The following XKR9 variants were observed in gnomAD, a reference collection of about 807,000 sequenced individuals.
XKR9 encodes XK-related protein 9.
A neutral mutation model predicts 32.0 loss-of-function variants in XKR9; 32 were observed. The observed-to-expected ratio is 1.00, with a 90% confidence interval of 0.76 to 1.34. The LOEUF (loss-of-function observed/expected upper bound fraction) is 1.34. Ranked by LOEUF, XKR9 falls within the 40% of genes most tolerant of loss-of-function variation. XKR9 has a pLI of 0.00. For synonymous variants in XKR9, 168 were observed against 143.4 expected (o/e 1.17, Z -1.22); for missense variants, 546 against 429.7 (o/e 1.27, Z -2.39).
At chr8:71,057,067 T>C in the XKR9 span, among the ~76,000 whole-genome samples, 1 of 152,188 alleles carries the variant, frequency 6.6e-6, no homozygotes, top group Non-Finnish European at 1.5e-5. Context: ...CATTTTATTA[T>C]TGAACCAAAA....
At chr8:70,773,968 G>A (rs577512248) in intron 2 of XKR9, among the ~76,000 whole-genome samples, 1 of 150,218 alleles carries the variant, frequency 6.7e-6, no homozygotes, top group African/African-American at 2.4e-5. Context: ...ACAGCAATCT[G>A]TTGGCATCAT....
the XKR9 span, among the ~76,000 whole-genome samples, chr8:70,951,866 T>TTG: frequency 1.1e-3 from 146 of 127,526 alleles, no homozygotes; most frequent in African/African-American, 4.6e-3. Context: ...CATAGCATCA[T>TTG]TGGGGGGGGG....
the XKR9 span, among the ~76,000 whole-genome samples, chr8:70,927,399 G>A: frequency 6.6e-6 from 1 of 152,088 alleles, no homozygotes; most frequent in Non-Finnish European, 1.5e-5. Context: ...TAGTCCATTT[G>A]TGCTGCCATA....
At chr8:70,848,107 A>T in the XKR9 span, among the ~76,000 whole-genome samples, 1 of 152,184 alleles carries the variant, frequency 6.6e-6, no homozygotes, top group East Asian at 1.9e-4. Flanking sequence ...CACATTAAAA[A>T]GATCATTCAC....
chr8:70,773,241 A>G (rs1039655004), intron 2 of XKR9, among the ~76,000 whole-genome samples: 12 of 152,170 alleles, frequency 7.9e-5, no homozygotes, highest in Admixed American at 5.9e-4. Context: ...CCCAACCAAA[A>G]CAGGATTATT....
At chr8:70,693,448 C>T (rs957504460) in intron 3 of XKR9, among the ~76,000 whole-genome samples, 2 of 152,174 alleles carry the variant, frequency 1.3e-5, no homozygotes, top group Non-Finnish European at 2.9e-5. Context: ...TGTTCCCTGT[C>T]AGTGCTCTGA....
At chr8:70,941,849 T>C in the XKR9 span, among the ~76,000 whole-genome samples, 1 of 152,140 alleles carries the variant, frequency 6.6e-6, no homozygotes, top group Non-Finnish European at 1.5e-5. Flanking sequence ...GAGCTATCTT[T>C]TATTTGAGTA....
the XKR9 span, among the ~76,000 whole-genome samples, chr8:70,806,506 A>G: frequency 0.016 from 2,422 of 152,304 alleles, 58 homozygotes; most frequent in African/African-American, 0.056. Flanking sequence ...AATGCAAAGG[A>G]GCTAAGAACC....
the XKR9 span, among the ~76,000 whole-genome samples, chr8:70,855,725 G>C: frequency 6.6e-6 from 1 of 152,258 alleles, no homozygotes; most frequent in Non-Finnish European, 1.5e-5. Context: ...GGCAGCCAGA[G>C]AGAAAGGTTG....
At chr8:70,792,147 C>G (rs1450779976), downstream of XKR9, among the ~76,000 whole-genome samples, 2 of 152,122 alleles carry the variant, frequency 1.3e-5, no homozygotes, top group African/African-American at 4.8e-5. Flanking sequence ...GAACACTAAT[C>G]ATGCAGAGTA....
In XKR9 at chr8:70,766,404, T is replaced by C. The variant is rs2130220885; in HGVS notation, n.353-22935T>C. On this transcript the variant is annotated intron_variant and non_coding_transcript_variant, in intron 2 of 3. Transcript: ENST00000520273. ...AGTTCACTCATGATTTGACTCTGTGTATTATTGTGTATAGGAGCGCTTGTA... is the reference window on the plus strand; with the variant it reads ...AGTTCACTCATGATTTGACTCTGTGCATTATTGTGTATAGGAGCGCTTGTA... Among the ~76,000 whole-genome samples the C allele has an allele frequency of 2.6e-5, 4 of 151,774 alleles. 1 individual carries two copies. The South Asian group carries it at 8.3e-4, about 32-fold the overall frequency.
the XKR9 span, among the ~76,000 whole-genome samples, chr8:71,012,031 G>GT: frequency 8.3e-6 from 1 of 120,704 alleles, no homozygotes; most frequent in Non-Finnish European, 2.0e-5. Context: ...GTCATCTATA[G>GT]GGGGAAAAAA....
At chr8:70,926,348 G>A in the XKR9 span, among the ~76,000 whole-genome samples, 1 of 152,186 alleles carries the variant, frequency 6.6e-6, no homozygotes. Flanking sequence ...TGGGATTACA[G>A]GCGTGAGCCA....
At chr8:71,046,066 A>G in the XKR9 span, among the ~76,000 whole-genome samples, 3 of 152,190 alleles carry the variant, frequency 2.0e-5, no homozygotes, top group African/African-American at 7.2e-5. Context: ...GTACTCCTAC[A>G]TGGACCTCTC....
chr8:70,994,194 T>C, the XKR9 span, among the ~76,000 whole-genome samples: 23 of 152,144 alleles, frequency 1.5e-4, no homozygotes, highest in Admixed American at 5.2e-4. Context: ...CACTTACCTT[T>C]CCCTGATACC....
rs762529054 is a variant in XKR9 at position 70,734,053 on chromosome 8, A to T, written c.751A>T (p.Thr251Ser). The T allele has an allele frequency of 1.4e-5, 23 of 1,613,170 alleles. No homozygotes were observed. Among genetic ancestry groups the T allele is most frequent in the Non-Finnish European group, 1.8e-5 (21 of 1,179,514 alleles). Residue 251 changes from threonine (T) to serine (S), a missense_variant, in exon 5 of 5, where the codon ACC becomes TCC. Coordinates refer to ENST00000408926, the MANE Select transcript of XKR9 (RefSeq NM_001011720.2). ...TATAATATGGGCATTTAAAAACAAC[A>T]CCCAGTTTTGTACTTGTATAAGTAT... is the stretch of plus-strand genomic sequence containing the variant. ...LGIIWAFKNN[T>S]QFCTCISMEF...
the XKR9 span, among the ~76,000 whole-genome samples, chr8:71,059,490 A>G: frequency 2.6e-5 from 4 of 152,358 alleles, no homozygotes; most frequent in South Asian, 8.3e-4. Flanking sequence ...CGTCCTGCCA[A>G]AAGTTTGTGC....
chr8:70,797,268 A>T, the XKR9 span, among the ~76,000 whole-genome samples: 32 of 152,072 alleles, frequency 2.1e-4, no homozygotes, highest in Non-Finnish European at 4.6e-4. Flanking sequence ...AGAGGGTGTC[A>T]CCTGGCTGAG....
At chr8:71,021,556 G>A in the XKR9 span, among the ~76,000 whole-genome samples, 1 of 139,290 alleles carries the variant, frequency 7.2e-6, no homozygotes, top group Non-Finnish European at 1.5e-5. Context: ...AGGCTGGGGT[G>A]CAGTGGCGCG....
Sources: gnomAD v4.1 joint callset for allele counts (sites outside exome capture counted in the v4.1 genomes callset) on GRCh38, gnomAD v4.1.1 for gene constraint, MANE v1.5 for transcripts, NCBI Gene and HGNC (gene_info 2026-07-23, HGNC 2026-07-21) for gene names.